MYH9: variants seen among roughly 807,000 people sequenced by gnomAD.
The protein encoded by MYH9 is myosin heavy chain 9.
In MYH9, 29 loss-of-function variants were observed where a neutral mutation model predicts 241.9. That is an observed-to-expected ratio of 0.12 (90% CI 0.09 to 0.16). The LOEUF (loss-of-function observed/expected upper bound fraction) is 0.16, where lower values mean the gene tolerates loss of function less well. Ranked by LOEUF, MYH9 falls within the 10% of genes least tolerant of loss-of-function variation. The pLI is 1.00. For synonymous variants in MYH9, 1,047 were observed against 1,062.6 expected (o/e 0.99, Z 0.29); for missense variants, 1,803 against 2,595.5 (o/e 0.69, Z 6.63).
chr22:36,356,234 C>A (rs892594836), intron 1 of MYH9, among the ~76,000 whole-genome samples: 6 of 152,142 alleles, frequency 3.9e-5, no homozygotes, highest in African/African-American at 1.2e-4. Context: ...TACTTGCGGC[C>A]GTTGGTTTTG....
Position 36,357,621 on chromosome 22 carries a change from G to A in MYH9, c.-19-8366C>T, listed in dbSNP as rs77681672. On this transcript the variant is annotated intron_variant, in intron 1 of 40. Coordinates refer to ENST00000216181, the MANE Select transcript of MYH9 (RefSeq NM_002473.6). ...TTGAGCCCACTGATTGAAGGGGTTC[G>A]TGTGAACAAACGCAGCACTATGAAG... 2.0e-3 allele frequency among the ~76,000 whole-genome samples: 310 copies of A among 152,238 alleles called. 2 individuals are homozygous for A. Among genetic ancestry groups the A allele is most frequent in the African/African-American group, 7.0e-3 (291 of 41,542 alleles).
chr22:36,385,405 C>A (rs1393610367), intron 1 of MYH9, among the ~76,000 whole-genome samples: 2 of 152,134 alleles, frequency 1.3e-5, no homozygotes, highest in African/African-American at 2.4e-5. Flanking sequence ...CACAACAATG[C>A]TGCATTTTTT....
Position 36,289,076 on chromosome 22 carries a change from A to G in MYH9, c.4557+9T>C, listed in dbSNP as rs2016640917. ...TTCCCAAGACCTGGCTGCCAGGCCC[A>G]GGACTCACACTCTTGCCCACATCAT... On this transcript the variant is annotated intron_variant, in intron 32 of 40. Coordinates refer to ENST00000216181, the MANE Select transcript of MYH9 (RefSeq NM_002473.6). 1 of 1,614,040 alleles carries G rather than the reference A, an allele frequency of 6.2e-7. No homozygotes were observed. The highest frequency in any genetic ancestry group is 8.5e-7 in the Non-Finnish European group (1 of 1,180,028).
intron 12 of MYH9, among the ~76,000 whole-genome samples, chr22:36,316,035 C>CTTTTTTTT (rs144026849): frequency 8.5e-6 from 1 of 116,988 alleles, no homozygotes; most frequent in Non-Finnish European, 1.7e-5. Flanking sequence ...GAGACCCTGA[C>CTTTTTTTT]TTTTTTTTTT....
chr22:36,285,550 T>C lies in MYH9; in HGVS notation c.5274+108A>G. On this transcript the variant is annotated intron_variant, in intron 37 of 40. Coordinates refer to ENST00000216181, the MANE Select transcript of MYH9 (RefSeq NM_002473.6). The surrounding 1 kb of genome is among the most constrained non-coding windows in gnomAD (Gnocchi z 7.0). ...GCCTGGACATTTTCCCCTAAGCGCC[T>C]GGGGAGCAGCTGGCACTTGGCCTGT... is the stretch of plus-strand genomic sequence containing the variant. 9 of 1,547,298 alleles carry C rather than the reference T, an allele frequency of 5.8e-6. No individual in the cohort carries two copies. Among genetic ancestry groups the C allele is most frequent in the Non-Finnish European group, 7.9e-6 (9 of 1,140,236 alleles).
intron 31 of MYH9, among the ~76,000 whole-genome samples, chr22:36,290,573 T>A (rs2016673935): frequency 6.6e-6 from 1 of 152,016 alleles, no homozygotes; most frequent in African/African-American, 2.4e-5. Flanking sequence ...CGCCACCCCA[T>A]CTGGGAAGTG....
At chr22:36,308,791 C>T in intron 15 of MYH9, 1 of 983,180 alleles carries the variant, frequency 1.0e-6, no homozygotes, top group Non-Finnish European at 1.2e-6. Flanking sequence ...AGAGACACCA[C>T]TCGGGCGGCC....
At chr22:36,345,450 A>C (rs1269679214) in intron 2 of MYH9, among the ~76,000 whole-genome samples, 31 of 151,950 alleles carry the variant, frequency 2.0e-4, no homozygotes. Flanking sequence ...ATAGCACTTA[A>C]GGGCTCTGCT....
chr22:36,361,815 T>TA (rs1489798601), intron 1 of MYH9, among the ~76,000 whole-genome samples: 9 of 152,220 alleles, frequency 5.9e-5, no homozygotes, highest in Non-Finnish European at 1.5e-5. Context: ...CTCACGCCTG[T>TA]AATCCCAACA....
At chr22:36,287,969 A>C (rs1377580756) in intron 34 of MYH9, among the ~76,000 whole-genome samples, 1 of 152,052 alleles carries the variant, frequency 6.6e-6, no homozygotes, top group Non-Finnish European at 1.5e-5. Flanking sequence ...ATTAAGTGAG[A>C]CCTTCTTGAA....
intron 18 of MYH9, 34 bp downstream of exon 18, chr22:36,304,999 C>A (rs770691930): frequency 6.2e-7 from 1 of 1,607,078 alleles, no homozygotes; most frequent in Admixed American, 1.7e-5. Flanking sequence ...AGGGGCTGCC[C>A]ATCCAGAGAG....
chr22:36,285,516 G>A lies in MYH9; in HGVS notation c.5274+142C>T. Reference sequence around the variant, plus strand: ...ACAGAAGCCAGAGGGGGACCTTTCAGGTCCAGGTGCCTGGACATTTTCCCC... The same window carrying A: ...ACAGAAGCCAGAGGGGGACCTTTCAAGTCCAGGTGCCTGGACATTTTCCCC... On this transcript the variant is annotated intron_variant, in intron 37 of 40. Coordinates refer to ENST00000216181, the MANE Select transcript of MYH9 (RefSeq NM_002473.6). This position sits in a 1 kb window ranked among gnomAD's most constrained non-coding sequence, Gnocchi z 7.0. The A allele has an allele frequency of 7.1e-7, 1 of 1,399,218 alleles. No individual in the cohort carries two copies. Among genetic ancestry groups the A allele is most frequent in the Non-Finnish European group, 9.8e-7 (1 of 1,017,090 alleles). 86.7% of individuals were successfully genotyped at this position (1,399,218 alleles called of 1,614,324 possible). A position where few individuals can be genotyped will look rare whatever the true frequency, so the allele number is the denominator to read the frequency against.
intron 11 of MYH9, among the ~76,000 whole-genome samples, chr22:36,316,926 C>T (rs1220085940): frequency 6.6e-6 from 1 of 152,128 alleles, no homozygotes; most frequent in Non-Finnish European, 1.5e-5. Context: ...TGAGGACACA[C>T]TAAAGGATTT....
At chr22:36,301,175 G>A in intron 21 of MYH9, 118 bp from the exon 22 acceptor site, 1 of 1,020,770 alleles carries the variant, frequency 9.8e-7, no homozygotes, top group South Asian at 1.3e-5. Context: ...GACAAAAGTA[G>A]CTTTCATCTG....
chr22:36,327,886 G>C (rs1366242177), intron 3 of MYH9, among the ~76,000 whole-genome samples: 1 of 152,200 alleles, frequency 6.6e-6, no homozygotes, highest in African/African-American at 2.4e-5. Context: ...CCTGCTGCAG[G>C]TGCTCTAAAT....
intron 5 of MYH9, among the ~76,000 whole-genome samples, chr22:36,324,562 G>A (rs2017306003): frequency 6.6e-6 from 1 of 152,264 alleles, no homozygotes; most frequent in Non-Finnish European, 1.5e-5. Context: ...AGCAAGGTGA[G>A]GTCTGGAACA....
At position 36,300,731 on chromosome 22, in the gene MYH9, T is replaced by A. The variant is rs117734021; in HGVS notation, c.2838+120A>T. The A allele has an allele frequency of 1.9e-5, 21 of 1,118,116 alleles. No individual in the cohort carries two copies. The Middle Eastern group carries it at 8.4e-4, about 45-fold the overall frequency. The allele number at this position is 1,118,116 out of a possible 1,614,324, so 69.3% of individuals were successfully genotyped here. On this transcript the variant is annotated intron_variant, in intron 22 of 40. Transcript: ENST00000216181. The surrounding 1 kb of genome is among the most constrained non-coding windows in gnomAD (Gnocchi z 5.0). ...CCTCTCACTGAGAGCCCCAAGCAGATTGCGTGAGGAGCAGCCTCCTTGGAC... is the reference window on the plus strand; with the variant it reads ...CCTCTCACTGAGAGCCCCAAGCAGAATGCGTGAGGAGCAGCCTCCTTGGAC...
chr22:36,290,783 G>C (rs1167704563), intron 31 of MYH9, among the ~76,000 whole-genome samples: 2 of 151,478 alleles, frequency 1.3e-5, no homozygotes, highest in Non-Finnish European at 2.9e-5. Flanking sequence ...GATGTGGGGA[G>C]CGCCTCTGCC....
In MYH9 at chr22:36,296,930, T is replaced by A. The variant is rs1323058824; in HGVS notation, c.3185A>T (p.Asp1062Val). Residue 1062 changes from aspartate (D) to valine (V), a missense_variant, in exon 25 of 41, where the codon GAC becomes GTC. Asp to Val is a radical substitution (Grantham distance 152). Around this residue, in one of 11 missense-constraint regions of MYH9, gnomAD observed 290 missense variants for 360.5 expected, o/e 0.80. Coordinates refer to ENST00000216181, the MANE Select transcript of MYH9 (RefSeq NM_002473.6). ...KLEGDSTDLSDQIAELQAQIA... is the reference protein window; with the variant it reads ...KLEGDSTDLSVQIAELQAQIA... ...CTGGGCCTGGAGCTCGGCGATCTGG[T>A]CGCTGAGGTCTGTGGAGTCTCCCTC... 1 of 1,613,954 alleles carries A rather than the reference T, an allele frequency of 6.2e-7. No homozygotes were observed. The highest frequency in any genetic ancestry group is 8.5e-7 in the Non-Finnish European group (1 of 1,179,994).
Sources: gnomAD v4.1 joint callset for allele counts (sites outside exome capture counted in the v4.1 genomes callset) on GRCh38, gnomAD v4.1.1 for gene constraint, gnomAD v4.1.1 regional missense constraint, Gnocchi (gnomAD v3.1) non-coding constraint, MANE v1.5 for transcripts, NCBI Gene and HGNC (gene_info 2026-07-23, HGNC 2026-07-21) for gene names.